TNIK: variants seen among roughly 807,000 people sequenced by gnomAD.
The protein encoded by TNIK is TRAF2 and NCK interacting kinase.
TNIK carries 49 observed loss-of-function variants against 191.3 expected under a neutral mutation model. The ratio of observed to expected loss-of-function variants is 0.26; its 90% CI spans 0.20 to 0.32. The LOEUF is 0.32. Among genes scored for constraint, TNIK ranks in the 10% least tolerant of loss-of-function variants. The pLI is 1.00. For synonymous variants in TNIK, 594 were observed against 600.9 expected (o/e 0.99, Z 0.17); for missense variants, 1,155 against 1,702.3 (o/e 0.68, Z 5.66).
At chr3:171,094,034 T>G in intron 22 of TNIK, 66 bp from the exon 23 acceptor site, 1 of 1,548,122 alleles carries the variant, frequency 6.5e-7, no homozygotes, top group South Asian at 1.2e-5. Context: ...CCTGTCCATA[T>G]TCATTATTTT....
At chr3:171,228,925 G>A (rs1278925746) in intron 2 of TNIK, among the ~76,000 whole-genome samples, 7 of 152,200 alleles carry the variant, frequency 4.6e-5, no homozygotes, top group Non-Finnish European at 1.0e-4. Flanking sequence ...ATGTCTACAT[G>A]TGACTCTCAG....
intron 2 of TNIK, among the ~76,000 whole-genome samples, chr3:171,230,590 G>A (rs1743501127): frequency 6.6e-6 from 1 of 152,112 alleles, no homozygotes; most frequent in African/African-American, 2.4e-5. Flanking sequence ...TTGCGCTTCT[G>A]TAAATGTACT....
intron 17 of TNIK, among the ~76,000 whole-genome samples, chr3:171,124,615 T>G (rs1216173577): frequency 1.3e-5 from 2 of 152,216 alleles, no homozygotes; most frequent in Admixed American, 6.5e-5. Context: ...AAAATTTAAT[T>G]TTTATTATTC....
rs547980914 is a variant in TNIK at position 171,058,610 on chromosome 3, A to C, written c.*5271T>G. On this transcript the variant is annotated 3_prime_UTR_variant, in exon 33 of 33. Coordinates refer to ENST00000436636, the MANE Select transcript of TNIK (RefSeq NM_015028.4). ...GTAACCAAAAGTTTCAGACTGGAAA[A>C]TATGCCAGGAAGATTTTCTTCTCTC... Among the ~76,000 whole-genome samples the C allele has an allele frequency of 6.6e-6, 1 of 152,324 alleles. No individual in the cohort carries two copies. The highest frequency in any genetic ancestry group is 2.1e-4 in the South Asian group (1 of 4,830).
intron 21 of TNIK, chr3:171,106,639 A>T: frequency 1.9e-6 from 1 of 524,956 alleles, no homozygotes; most frequent in Non-Finnish European, 3.9e-6. Context: ...TATTTTTCTA[A>T]TGGAAAACGT....
At chr3:171,139,336 C>T (rs1055182516) in intron 14 of TNIK, 134 bp downstream of exon 14, 3 of 744,396 alleles carry the variant, frequency 4.0e-6, no homozygotes, top group East Asian at 5.2e-5. Flanking sequence ...TTAGAAGATC[C>T]CCTCTTCTGG....
intron 22 of TNIK, among the ~76,000 whole-genome samples, chr3:171,097,443 G>T (rs1722876963): frequency 6.6e-6 from 1 of 152,248 alleles, no homozygotes; most frequent in African/African-American, 2.4e-5. Flanking sequence ...GTGTGGCCAT[G>T]TCCCTACCCA....
At chr3:171,361,426 G>A (rs1714957004) in intron 2 of TNIK, among the ~76,000 whole-genome samples, 2 of 152,086 alleles carry the variant, frequency 1.3e-5, no homozygotes, top group Admixed American at 6.6e-5. Flanking sequence ...ACCCACGAAG[G>A]TCTTCCCTCC....
chr3:171,278,038 A>G (rs1369602769), intron 2 of TNIK, among the ~76,000 whole-genome samples: 1 of 152,100 alleles, frequency 6.6e-6, no homozygotes, highest in Non-Finnish European at 1.5e-5. Context: ...AAACAAACAA[A>G]CACAACAAAA....
chr3:171,425,168 T>G (rs1248025934), intron 1 of TNIK, among the ~76,000 whole-genome samples: 2 of 152,144 alleles, frequency 1.3e-5, no homozygotes, highest in East Asian at 3.9e-4. Context: ...GAAATGAAAT[T>G]AATACTTGTT....
chr3:171,300,546 A>ATAT (rs1406660131), intron 2 of TNIK, among the ~76,000 whole-genome samples: 14 of 152,212 alleles, frequency 9.2e-5, no homozygotes, highest in Non-Finnish European at 1.6e-4. Flanking sequence ...GAGTGAAAAA[A>ATAT]AAATCTGTGC....
In TNIK at chr3:171,190,880, C is replaced by A. The variant is rs1323973695; in HGVS notation, c.418-93G>T. Reference sequence around the variant, plus strand: ...CTGTTAAGGATCCAAAAACTTTACACTCACCCAGACATACTTTTCAGAATT... The same window carrying A: ...CTGTTAAGGATCCAAAAACTTTACAATCACCCAGACATACTTTTCAGAATT... On this transcript the variant is annotated intron_variant, in intron 5 of 32. Coordinates refer to ENST00000436636, the MANE Select transcript of TNIK (RefSeq NM_015028.4). 30 of 817,894 alleles carry A rather than the reference C, an allele frequency of 3.7e-5. No homozygotes were observed. The Admixed American group carries it at 7.4e-4, about 20-fold the overall frequency. The allele number at this position is 817,894 out of a possible 1,614,324, so 50.7% of individuals were successfully genotyped here. A position where few individuals can be genotyped will look rare whatever the true frequency, so the allele number is the denominator to read the frequency against.
chr3:171,290,951 A>G (rs968769444), intron 2 of TNIK, among the ~76,000 whole-genome samples: 1 of 152,192 alleles, frequency 6.6e-6, no homozygotes, highest in Non-Finnish European at 1.5e-5. Context: ...TAGTTTACCC[A>G]TACCATAAAC....
chr3:171,090,875 C>A (rs1721974818), intron 23 of TNIK, among the ~76,000 whole-genome samples: 1 of 152,124 alleles, frequency 6.6e-6, no homozygotes, highest in Non-Finnish European at 1.5e-5. Flanking sequence ...CTTATAGAAC[C>A]ATCTAGTCCA....
At chr3:171,343,128 C>T (rs1711568538) in intron 2 of TNIK, among the ~76,000 whole-genome samples, 1 of 141,666 alleles carries the variant, frequency 7.1e-6, no homozygotes, top group African/African-American at 2.6e-5. Context: ...ATACAACCCT[C>T]AAGGTAGAGT....
intron 1 of TNIK, among the ~76,000 whole-genome samples, chr3:171,386,795 A>G: frequency 6.6e-6 from 1 of 152,230 alleles, no homozygotes; most frequent in Middle Eastern, 3.2e-3. Flanking sequence ...AATTACAATT[A>G]GACATCTCTA....
At chr3:171,156,444 A>T (rs1292396005) in intron 12 of TNIK, among the ~76,000 whole-genome samples, 1 of 152,234 alleles carries the variant, frequency 6.6e-6, no homozygotes, top group Non-Finnish European at 1.5e-5. Context: ...AAGCCCGTTA[A>T]TGAGAAGCAA....
At chr3:171,287,287 T>G (rs1230995849) in intron 2 of TNIK, among the ~76,000 whole-genome samples, 1 of 152,254 alleles carries the variant, frequency 6.6e-6, no homozygotes, top group Non-Finnish European at 1.5e-5. Context: ...TTAGTTATGT[T>G]GTCAAGTCCT....
chr3:171,179,898 CT>C (rs1469953658), intron 7 of TNIK, among the ~76,000 whole-genome samples: 1 of 152,148 alleles, frequency 6.6e-6, no homozygotes, highest in Non-Finnish European at 1.5e-5. Context: ...GGTCCCTGTG[CT>C]ATTTTGATAA....
Sources: gnomAD v4.1 joint callset for allele counts (sites outside exome capture counted in the v4.1 genomes callset) on GRCh38, gnomAD v4.1.1 for gene constraint, MANE v1.5 for transcripts, NCBI Gene and HGNC (gene_info 2026-07-23, HGNC 2026-07-21) for gene names.